Variants in FBXL5 observed in about 807,000 individuals in gnomAD.
The protein encoded by FBXL5 is F-box/LRR-repeat protein 5.
FBXL5 carries 26 observed loss-of-function variants against 78.3 expected under a neutral mutation model. That is an observed-to-expected ratio of 0.33 (90% CI 0.24 to 0.46). FBXL5 has a LOEUF of 0.46. FBXL5 is among the 20% of genes least tolerant of loss of function. FBXL5 has a pLI of 1.00. For missense variants in FBXL5, 710 were observed against 829.2 expected (o/e 0.86, Z 1.77); for synonymous variants, 295 against 282.5 (o/e 1.04, Z -0.45).
At position 15,607,979 on chromosome 4, in the gene FBXL5, C is replaced by T. The variant is rs186720001; in HGVS notation, c.2000-2180G>A. 5.9e-5 allele frequency among the ~76,000 whole-genome samples: 9 copies of T among 152,152 alleles called. No homozygotes were observed. The South Asian group carries it at 8.3e-4, about 14-fold the overall frequency. ...AACATCGATAGGTTCTTAGAAACTG[C>T]GACTCTAAGCAAAATAACGTATAAC... On this transcript the variant is annotated intron_variant, in intron 10 of 10. Transcript: ENST00000341285.
At chr4:15,654,986 G>A (rs1716680479) in intron 1 of FBXL5, among the ~76,000 whole-genome samples, 1 of 151,590 alleles carries the variant, frequency 6.6e-6, no homozygotes, top group Non-Finnish European at 1.5e-5. Flanking sequence ...CCCGCCCCGA[G>A]AGCACGTCCG....
At chr4:15,664,550 C>CTT (rs35319145), upstream of FBXL5, among the ~76,000 whole-genome samples, 3,391 of 75,480 alleles carry the variant, frequency 0.045, 170 homozygotes, top group Non-Finnish European at 0.054. Flanking sequence ...GGCCCTCATC[C>CTT]TTTTTTTTTT....
chr4:15,626,867 A>G lies in FBXL5; in HGVS notation c.1124+6T>C. 6.3e-7 allele frequency: 1 copy of G among 1,584,950 alleles called. No individual in the cohort carries two copies. The highest frequency in any genetic ancestry group is 1.5e-5 in the African/African-American group (1 of 65,778). On this transcript the variant is annotated splice_donor_region_variant and intron_variant, in intron 8 of 10. Transcript: ENST00000341285. ...CATTATATTTAAATTGTTTAAAATA[A>G]CTAACCTGTCAAATGCAGAATCTGA...
At chr4:15,621,389 T>C (rs372368522) in intron 9 of FBXL5, among the ~76,000 whole-genome samples, 9 of 152,292 alleles carry the variant, frequency 5.9e-5, no homozygotes, top group African/African-American at 1.9e-4. Flanking sequence ...AAGAATAAAT[T>C]TAACCAAGGA....
At chr4:15,629,616 T>C (rs573062355) in intron 6 of FBXL5, among the ~76,000 whole-genome samples, 1 of 152,264 alleles carries the variant, frequency 6.6e-6, no homozygotes, top group South Asian at 2.1e-4. Flanking sequence ...TGTTCACCAT[T>C]AGATCCTTCA....
At chr4:15,654,297 A>C (rs1340823466) in intron 1 of FBXL5, among the ~76,000 whole-genome samples, 1 of 152,246 alleles carries the variant, frequency 6.6e-6, no homozygotes, top group African/African-American at 2.4e-5. Flanking sequence ...TGAGGTTTGC[A>C]GATATCCATG....
At chr4:15,634,523 C>T (rs957376127) in intron 5 of FBXL5, among the ~76,000 whole-genome samples, 3 of 151,986 alleles carry the variant, frequency 2.0e-5, no homozygotes, top group Non-Finnish European at 4.4e-5. Context: ...CCTGCCACCA[C>T]ACCTGGCTAA....
chr4:15,625,471 G>C lies in FBXL5; in HGVS notation c.1631C>G (p.Ala544Gly). The change falls in exon 9 of 11, where the codon GCG becomes GGG. Residue 544 changes from alanine (A) to glycine (G), a missense_variant. Coordinates refer to ENST00000341285, the MANE Select transcript of FBXL5 (RefSeq NM_012161.4). ...ACAACAAAATGAGTGACCACAATAC[G>C]CAAAGGCTGGAGAAGCACAATGCTG... Reference protein sequence around the residue: ...WQQHCASPAFAYCGHSFCCTG... With the variant: ...WQQHCASPAFGYCGHSFCCTG... 1 of 1,613,758 alleles carries C rather than the reference G, an allele frequency of 6.2e-7. No homozygotes were observed. Among genetic ancestry groups the C allele is most frequent in the Non-Finnish European group, 8.5e-7 (1 of 1,179,826 alleles).
intron 1 of FBXL5, among the ~76,000 whole-genome samples, chr4:15,671,669 C>T (rs1218963023): frequency 6.6e-6 from 1 of 152,108 alleles, no homozygotes; most frequent in Non-Finnish European, 1.5e-5. Context: ...ATCATTTCTT[C>T]AAATACTTTG....
At chr4:15,680,956 T>C (rs1718228988) in intron 1 of FBXL5, among the ~76,000 whole-genome samples, 1 of 148,400 alleles carries the variant, frequency 6.7e-6, no homozygotes, top group South Asian at 2.1e-4. Context: ...TGTTTTTTGT[T>C]TCACATATAT....
In FBXL5 at chr4:15,638,633, T is replaced by C. The variant is rs1553851851; in HGVS notation, c.458A>G (p.Lys153Arg). The change falls in exon 4 of 11, where the codon AAA becomes AGA. Residue 153 changes from lysine (K) to arginine (R), a missense_variant. Around this residue, in one of 4 missense-constraint regions of FBXL5, gnomAD observed 517 missense variants for 542.9 expected, o/e 0.95. Transcript: ENST00000341285. ...TYEELKDIKKKVIAQHCSQKD... is the reference protein window; with the variant it reads ...TYEELKDIKKRVIAQHCSQKD... ...CTGAGAGCAGTGTTGTGCAATCACT[T>C]TCTTTTTAATATCCTTAAGCTCTTC... is the stretch of plus-strand genomic sequence containing the variant. The C allele has an allele frequency of 6.2e-7, 1 of 1,613,486 alleles. No individual in the cohort carries two copies.
At chr4:15,615,004 C>CA (rs1166970018) in intron 9 of FBXL5, among the ~76,000 whole-genome samples, 1 of 152,172 alleles carries the variant, frequency 6.6e-6, no homozygotes, top group Non-Finnish European at 1.5e-5. Flanking sequence ...GCCCCGCACT[C>CA]AGAGCAGCCG....
intron 1 of FBXL5, among the ~76,000 whole-genome samples, chr4:15,680,362 A>G (rs2148839807): frequency 6.6e-6 from 1 of 152,316 alleles, no homozygotes; most frequent in Admixed American, 6.5e-5. Context: ...GCTAATCAAA[A>G]AACAGCTTTA....
chr4:15,641,367 G>A (rs1714854921), intron 2 of FBXL5, among the ~76,000 whole-genome samples: 1 of 151,996 alleles, frequency 6.6e-6, no homozygotes, highest in South Asian at 2.1e-4. Context: ...CCCTGCAACA[G>A]CAAGACCAAC....
chr4:15,610,661 A>C (rs1722189462), intron 10 of FBXL5, among the ~76,000 whole-genome samples: 1 of 152,056 alleles, frequency 6.6e-6, no homozygotes, highest in Non-Finnish European at 1.5e-5. Flanking sequence ...AAAAACATAC[A>C]AACATAAAAC....
intron 1 of FBXL5, among the ~76,000 whole-genome samples, chr4:15,646,777 T>C (rs901035190): frequency 5.4e-5 from 8 of 148,530 alleles, no homozygotes; most frequent in African/African-American, 1.5e-4. Context: ...ATTCCCACTA[T>C]GAGTGAGAAC....
intron 5 of FBXL5, among the ~76,000 whole-genome samples, chr4:15,635,018 A>T (rs555477022): frequency 1.3e-5 from 2 of 152,284 alleles, no homozygotes; most frequent in African/African-American, 4.8e-5. Flanking sequence ...TCAAAAAAAT[A>T]TCTAACAGCT....
rs1367736438 is a variant in FBXL5 at position 15,655,184 on chromosome 4, G to C, written c.84+20C>G. 7.2e-7 allele frequency: 1 copy of C among 1,386,208 alleles called. No homozygotes were observed. Among genetic ancestry groups the C allele is most frequent in the East Asian group, 3.3e-5 (1 of 29,918 alleles). The allele number at this position is 1,386,208 out of a possible 1,614,324, so 85.9% of individuals were successfully genotyped here. On this transcript the variant is annotated intron_variant, in intron 1 of 10. Transcript: ENST00000341285. The stretch of plus-strand genomic sequence containing the variant: ...TCGCCGCCCGCACCGCCCACAGCGG[G>C]AGGCTCAGCGCTCCGTTACCTTGTC...
intron 6 of FBXL5, 23 bp from the exon 7 acceptor site, chr4:15,628,056 C>G (rs201940128): frequency 6.3e-7 from 1 of 1,599,748 alleles, no homozygotes; most frequent in Non-Finnish European, 8.5e-7. Context: ...TTCAAAAGTC[C>G]AAGAACTTGA....
Sources: gnomAD v4.1 joint callset for allele counts (sites outside exome capture counted in the v4.1 genomes callset) on GRCh38, gnomAD v4.1.1 for gene constraint, gnomAD v4.1.1 regional missense constraint, MANE v1.5 for transcripts, NCBI Gene and HGNC (gene_info 2026-07-23, HGNC 2026-07-21) for gene names.